The following PTPRT variants were observed in gnomAD, a reference collection of about 807,000 sequenced individuals.
PTPRT encodes the protein receptor-type tyrosine-protein phosphatase T.
Under a neutral mutation model 176.8 loss-of-function variants are expected in PTPRT, and 56 were observed. The ratio of observed to expected loss-of-function variants is 0.32; its 90% CI spans 0.26 to 0.40. The LOEUF is 0.40. Among genes scored for constraint, PTPRT ranks in the 10% least tolerant of loss-of-function variants. The pLI, the probability that PTPRT is intolerant of heterozygous loss-of-function variation, is 1.00. For synonymous variants in PTPRT, 783 were observed against 739.0 expected (o/e 1.06, Z -0.96); for missense variants, 1,540 against 1,908.2 (o/e 0.81, Z 3.60).
chr20:42,645,506 C>T (rs2074871904), intron 7 of PTPRT, among the ~76,000 whole-genome samples: 1 of 152,054 alleles, frequency 6.6e-6, no homozygotes, highest in South Asian at 2.1e-4. Context: ...CAGGGATCAC[C>T]TCCGAAGGAA....
At position 42,599,266 on chromosome 20, in the gene PTPRT, T is replaced by C. The variant is rs555110367; in HGVS notation, c.1153+78600A>G. On this transcript the variant is annotated intron_variant, in intron 7 of 30. Transcript: ENST00000373187. ...GCAAAAGCTTTTGAGAGAGAAAACA[T>C]GACAACTTCAGGTTTGAACACACAG... 1.6e-4 allele frequency among the ~76,000 whole-genome samples: 24 copies of C among 152,184 alleles called. No individual in the cohort carries two copies. In the South Asian group the frequency reaches 2.5e-3, roughly 16 times the overall value.
chr20:42,605,730 G>A (rs2073864846), intron 7 of PTPRT, among the ~76,000 whole-genome samples: 1 of 152,330 alleles, frequency 6.6e-6, no homozygotes, highest in East Asian at 1.9e-4. Context: ...GGGGAGGAAT[G>A]TGGATACCAG....
At chr20:42,655,523 A>T (rs1429916967) in intron 7 of PTPRT, among the ~76,000 whole-genome samples, 6 of 152,188 alleles carry the variant, frequency 3.9e-5, no homozygotes, top group Non-Finnish European at 8.8e-5. Flanking sequence ...CAGATCTCAT[A>T]TTTATACCTT....
chr20:42,624,224 A>G (rs2074252419), intron 7 of PTPRT, among the ~76,000 whole-genome samples: 1 of 152,136 alleles, frequency 6.6e-6, no homozygotes, highest in Non-Finnish European at 1.5e-5. Context: ...TTGGCTTGCC[A>G]TTATCCATTC....
intron 7 of PTPRT, among the ~76,000 whole-genome samples, chr20:42,610,392 G>GTT (rs1219274178): frequency 3.1e-5 from 4 of 128,990 alleles, no homozygotes; most frequent in East Asian, 2.2e-4. Flanking sequence ...TTTTTTTTTT[G>GTT]TTTTTTTTTT....
intron 19 of PTPRT, among the ~76,000 whole-genome samples, chr20:42,124,665 G>C (rs1232886541): frequency 6.6e-6 from 1 of 152,220 alleles, no homozygotes; most frequent in African/African-American, 2.4e-5. Context: ...GGAGACCAGG[G>C]TGATGGAGTG....
intron 1 of PTPRT, among the ~76,000 whole-genome samples, chr20:43,160,017 GAAAGAA>G (rs1186870682): frequency 2.7e-5 from 4 of 145,722 alleles, no homozygotes; most frequent in African/African-American, 7.5e-5. Flanking sequence ...AAAAAAAAAA[GAAAGAA>G]AAAGAAAAAG....
chr20:42,531,512 A>T (rs1452680946), intron 7 of PTPRT, among the ~76,000 whole-genome samples: 1 of 152,212 alleles, frequency 6.6e-6, no homozygotes, highest in Non-Finnish European at 1.5e-5. Flanking sequence ...AGCCATTCTC[A>T]GGCACTCATT....
At chr20:42,811,937 G>C (rs1284659567) in intron 2 of PTPRT, among the ~76,000 whole-genome samples, 3 of 152,058 alleles carry the variant, frequency 2.0e-5, no homozygotes, top group African/African-American at 7.2e-5. Flanking sequence ...ATTTACTCTT[G>C]ACAACCATGA....
intron 7 of PTPRT, among the ~76,000 whole-genome samples, chr20:42,665,040 C>T (rs1377064515): frequency 3.3e-5 from 5 of 152,018 alleles, no homozygotes; most frequent in African/African-American, 1.2e-4. Context: ...TAGGCATGGG[C>T]AAGGACTTCA....
At chr20:42,169,488 T>C (rs1348372312) in intron 16 of PTPRT, among the ~76,000 whole-genome samples, 2 of 151,966 alleles carry the variant, frequency 1.3e-5, no homozygotes, top group African/African-American at 4.8e-5. Context: ...GGGAGGAATA[T>C]TGATGAATTA....
At chr20:42,104,456 C>T in intron 25 of PTPRT, 113 bp downstream of exon 25, 1 of 1,239,596 alleles carries the variant, frequency 8.1e-7, no homozygotes, top group Non-Finnish European at 1.1e-6. Flanking sequence ...GCTTCTCAGC[C>T]TCCAGAAATG....
intron 27 of PTPRT, among the ~76,000 whole-genome samples, chr20:42,089,457 C>T (rs780366759): frequency 6.6e-6 from 1 of 152,192 alleles, no homozygotes; most frequent in South Asian, 2.1e-4. Context: ...TATCTTCAGT[C>T]TGGAGAGAAT....
chr20:42,322,314 C>A, intron 11 of PTPRT, among the ~76,000 whole-genome samples: 1 of 150,388 alleles, frequency 6.6e-6, no homozygotes, highest in African/African-American at 2.5e-5. Context: ...CAATCCTAAG[C>A]CAAAAGAACA....
intron 3 of PTPRT, 68 bp downstream of exon 3, chr20:42,791,127 T>C (rs2077368115): frequency 5.3e-6 from 8 of 1,508,228 alleles, no homozygotes; most frequent in South Asian, 2.7e-5. Flanking sequence ...CTAGCACCTG[T>C]AGGGAGAGCA....
At chr20:43,024,589 C>CA (rs34972558) in intron 1 of PTPRT, among the ~76,000 whole-genome samples, 15,383 of 81,026 alleles carry the variant, frequency 0.19, 1,027 homozygotes, top group East Asian at 0.38. Context: ...GACTCCATCT[C>CA]AAAAAAAAAA....
chr20:42,429,885 T>G (rs577649274), intron 9 of PTPRT, among the ~76,000 whole-genome samples: 2 of 152,124 alleles, frequency 1.3e-5, no homozygotes, highest in Admixed American at 6.5e-5. Context: ...GGGAGTGTAG[T>G]GTGGCTGTAA....
At chr20:42,572,272 T>C (rs1468223320) in intron 7 of PTPRT, among the ~76,000 whole-genome samples, 1 of 152,178 alleles carries the variant, frequency 6.6e-6, no homozygotes, top group Non-Finnish European at 1.5e-5. Flanking sequence ...AGTTTCAAGA[T>C]ATGAACTTTG....
chr20:42,041,696 T>C, the PTPRT span, among the ~76,000 whole-genome samples: 8 of 152,340 alleles, frequency 5.3e-5, no homozygotes, highest in Admixed American at 4.6e-4. Context: ...TGTTCTCGTA[T>C]AATGGGGGCA....
Sources: gnomAD v4.1 joint callset for allele counts (sites outside exome capture counted in the v4.1 genomes callset) on GRCh38, gnomAD v4.1.1 for gene constraint, MANE v1.5 for transcripts, NCBI Gene and HGNC (gene_info 2026-07-23, HGNC 2026-07-21) for gene names.